Variants in AK5 observed in about 807,000 individuals in gnomAD.
AK5 encodes the protein adenylate kinase isoenzyme 5.
Under a neutral mutation model 69.5 loss-of-function variants are expected in AK5, and 27 were observed. That is an observed-to-expected ratio of 0.39 (90% confidence interval 0.29 to 0.54). AK5 has a LOEUF of 0.54. Among genes scored for constraint, AK5 ranks in the 20% least tolerant of loss-of-function variants. The pLI is 0.71. For missense variants in AK5, 531 were observed against 700.4 expected (o/e 0.76, Z 2.73); for synonymous variants, 260 against 244.4 (o/e 1.06, Z -0.60).
At chr1:77,439,247 G>A (rs1287144936) in intron 8 of AK5, among the ~76,000 whole-genome samples, 2 of 152,156 alleles carry the variant, frequency 1.3e-5, no homozygotes, top group Admixed American at 6.5e-5. Context: ...GGCAAAGGAA[G>A]CGAACATTTT....
intron 5 of AK5, 106 bp downstream of exon 5, chr1:77,298,053 C>T: frequency 1.3e-6 from 1 of 781,338 alleles, no homozygotes; most frequent in South Asian, 2.1e-5. Flanking sequence ...TGAATGAATT[C>T]TGGTCTGAAA....
intron 6 of AK5, among the ~76,000 whole-genome samples, chr1:77,385,465 T>C (rs1049805499): frequency 1.3e-5 from 2 of 152,198 alleles, no homozygotes; most frequent in African/African-American, 4.8e-5. Flanking sequence ...GGCCAGACTT[T>C]ACAAAGTTTT....
chr1:77,331,343 G>T (rs1039410173), intron 5 of AK5, among the ~76,000 whole-genome samples: 1 of 152,024 alleles, frequency 6.6e-6, no homozygotes, highest in African/African-American at 2.4e-5. Context: ...TATGATGCTT[G>T]CTATTCATTT....
chr1:77,401,721 C>A (rs763120932), intron 6 of AK5, among the ~76,000 whole-genome samples: 7 of 152,154 alleles, frequency 4.6e-5, no homozygotes, highest in Admixed American at 1.3e-4. Context: ...CTCATTTCCG[C>A]CATTAAAAAT....
chr1:77,344,494 A>G (rs1470113391), intron 6 of AK5, among the ~76,000 whole-genome samples: 1 of 152,070 alleles, frequency 6.6e-6, no homozygotes, highest in Non-Finnish European at 1.5e-5. Flanking sequence ...TTTTTCTTGT[A>G]GTTAGTTTAG....
intron 5 of AK5, among the ~76,000 whole-genome samples, chr1:77,325,161 G>GTTTT (rs369801549): frequency 8.1e-6 from 1 of 123,228 alleles, no homozygotes; most frequent in East Asian, 2.3e-4. Context: ...TAGGTTTTTT[G>GTTTT]TTTTTTTTTT....
intron 10 of AK5, among the ~76,000 whole-genome samples, chr1:77,507,644 T>C (rs1657101790): frequency 6.6e-6 from 1 of 152,210 alleles, no homozygotes; most frequent in Non-Finnish European, 1.5e-5. Context: ...CTGATTTTGA[T>C]AAGGCAATAA....
intron 8 of AK5, among the ~76,000 whole-genome samples, chr1:77,483,024 A>T (rs1355907008): frequency 2.8e-5 from 3 of 106,936 alleles, no homozygotes; most frequent in African/African-American, 1.1e-4. Context: ...AAAAAAAAAA[A>T]AAAAAAAAAA....
intron 5 of AK5, among the ~76,000 whole-genome samples, chr1:77,302,733 G>A (rs1447071577): frequency 1.3e-5 from 2 of 152,070 alleles, no homozygotes; most frequent in Admixed American, 6.5e-5. Context: ...TCTTATATCT[G>A]CTCGCAAAGC....
intron 7 of AK5, among the ~76,000 whole-genome samples, chr1:77,413,387 T>G (rs1165414108): frequency 6.6e-6 from 1 of 152,150 alleles, no homozygotes; most frequent in African/African-American, 2.4e-5. Flanking sequence ...GGAGACTTTC[T>G]CAGACCCCAC....
At chr1:77,337,327 T>C (rs557601802) in intron 5 of AK5, among the ~76,000 whole-genome samples, 1 of 152,270 alleles carries the variant, frequency 6.6e-6, no homozygotes, top group African/African-American at 2.4e-5. Context: ...CAGACTAAAA[T>C]AAACACAAAA....
chr1:77,558,070 T>C (rs1011880134), intron 13 of AK5, among the ~76,000 whole-genome samples: 1 of 152,248 alleles, frequency 6.6e-6, no homozygotes, highest in Non-Finnish European at 1.5e-5. Flanking sequence ...CCCCTGTCCA[T>C]CTGGATATAT....
intron 13 of AK5, among the ~76,000 whole-genome samples, chr1:77,556,203 AGAG>A (rs1397036030): frequency 3.3e-5 from 5 of 152,236 alleles, no homozygotes; most frequent in Non-Finnish European, 7.3e-5. Flanking sequence ...AAGAAATAGA[AGAG>A]AGTTGCAGAA....
rs542338218 is a variant in AK5, at chr1:77,303,158, G to A, written c.699+5211G>A. Among the ~76,000 whole-genome samples the A allele has an allele frequency of 2.6e-5, 4 of 152,220 alleles. 1 individual carries two copies. The East Asian group carries it at 7.7e-4, about 29-fold the overall frequency. On this transcript the variant is annotated intron_variant, in intron 5 of 13. Transcript: ENST00000354567. ...GATGGCCTCACTGTGAATGAGGGGA[G>A]GACAGTTTTAGTCCTCACATTCATG...
At chr1:77,376,433 C>CAAAAAAAAAA (rs757594684) in intron 6 of AK5, among the ~76,000 whole-genome samples, 7 of 13,432 alleles carry the variant, frequency 5.2e-4, no homozygotes, top group African/African-American at 1.0e-3. Context: ...CACTCAATGC[C>CAAAAAAAAAA]AAAAAAAAAA....
chr1:77,333,254 C>G (rs950595767), intron 5 of AK5, among the ~76,000 whole-genome samples: 4 of 152,174 alleles, frequency 2.6e-5, no homozygotes, highest in Non-Finnish European at 4.4e-5. Flanking sequence ...CCACCTTTTA[C>G]TTAGCCGTTT....
intron 5 of AK5, among the ~76,000 whole-genome samples, chr1:77,338,706 G>C (rs1661494573): frequency 6.6e-6 from 1 of 152,132 alleles, no homozygotes. Context: ...AATGTGAGCA[G>C]AGGACAAAAC....
Position 77,540,020 on chromosome 1 carries a change from C to T in AK5, c.1620+3982C>T, listed in dbSNP as rs547164526. On this transcript the variant is annotated intron_variant, in intron 13 of 13. Coordinates refer to ENST00000354567, the MANE Select transcript of AK5 (RefSeq NM_174858.3). ...ATGCAGCCCACAAATAGGCCACAAG[C>T]ACCGCCCTCAGGCCTCTACCCAGCA... Among the ~76,000 whole-genome samples, 14 of 152,352 alleles carry T rather than the reference C, an allele frequency of 9.2e-5. No individual in the cohort carries two copies. The South Asian group carries it at 1.7e-3, about 18-fold the overall frequency.
chr1:77,466,110 G>GTCT (rs565368075), intron 8 of AK5, among the ~76,000 whole-genome samples: 398 of 152,216 alleles, frequency 2.6e-3, no homozygotes, highest in South Asian at 0.013. Context: ...TCTGTGCAGC[G>GTCT]TCTTCCCAGC....
Sources: gnomAD v4.1 joint callset for allele counts (sites outside exome capture counted in the v4.1 genomes callset) on GRCh38, gnomAD v4.1.1 for gene constraint, MANE v1.5 for transcripts, NCBI Gene and HGNC (gene_info 2026-07-23, HGNC 2026-07-21) for gene names.